The following ADAM19 variants were observed in gnomAD, a reference collection of about 807,000 sequenced individuals.
ADAM19 encodes the protein ADAM metallopeptidase domain 19.
In ADAM19, 65 loss-of-function variants were observed where a neutral mutation model predicts 114.7. That is an observed-to-expected ratio of 0.57 (90% CI 0.46 to 0.70). The LOEUF (loss-of-function observed/expected upper bound fraction) is 0.70, where lower values mean the gene tolerates loss of function less well. Among genes scored for constraint, ADAM19 ranks in the 30% least tolerant of loss-of-function variants. The probability of loss-of-function intolerance (pLI) is 0.00; values close to 1 mark genes in which losing one functional copy is unlikely to be tolerated. For missense variants in ADAM19, 1,063 were observed against 1,204.7 expected (o/e 0.88, Z 1.74); for synonymous variants, 466 against 460.5 (o/e 1.01, Z -0.15).
intron 3 of ADAM19, among the ~76,000 whole-genome samples, chr5:157,551,361 G>A (rs377132419): frequency 9.6e-5 from 13 of 135,440 alleles, no homozygotes; most frequent in African/African-American, 3.1e-4. Context: ...CTGAGATTGC[G>A]CCATTGCACT....
chr5:157,563,026 G>C (rs1381636670), intron 3 of ADAM19, among the ~76,000 whole-genome samples: 2 of 152,080 alleles, frequency 1.3e-5, no homozygotes, highest in African/African-American at 4.8e-5. Context: ...GCTGCCGTGA[G>C]CAACAAAGGC....
rs1561835033 is a variant in ADAM19 at position 157,477,647 on chromosome 5, G to T, written c.*3302C>A. ...TGGCGTTCCCATGGCTTTCTTGGGT[G>T]TCCAGCAGAGCTGTTATACACGTGG... On this transcript the variant is annotated 3_prime_UTR_variant, in exon 23 of 23. Transcript: ENST00000257527. 1.6e-6 allele frequency: 2 copies of T among 1,288,832 alleles called. No individual in the cohort carries two copies. Among genetic ancestry groups the T allele is most frequent in the Non-Finnish European group, 2.0e-6 (2 of 988,302 alleles). The allele number at this position is 1,288,832 out of a possible 1,614,324, so 79.8% of individuals were successfully genotyped here. A position where few individuals can be genotyped will look rare whatever the true frequency, so the allele number is the denominator to read the frequency against.
intron 3 of ADAM19, among the ~76,000 whole-genome samples, chr5:157,550,686 G>GAAA (rs60281885): frequency 7.2e-6 from 1 of 139,834 alleles, no homozygotes. Flanking sequence ...AAGCTGTTTG[G>GAAA]AAAAAAAAAA....
intron 14 of ADAM19, among the ~76,000 whole-genome samples, chr5:157,495,742 T>G (rs1371098777): frequency 6.6e-6 from 1 of 152,046 alleles, no homozygotes. Context: ...CAAGAGATTC[T>G]CCTGTCTTAG....
rs1288368961 is a variant in ADAM19 at position 157,575,622 on chromosome 5, C to A, written c.75G>T (p.Ala25=). Residue 25 remains alanine (A), a synonymous_variant, in exon 1 of 23, where the codon GCG becomes GCT. Coordinates refer to ENST00000257527, the MANE Select transcript of ADAM19 (RefSeq NM_033274.5). ...ACTTACTTGTCCATCCAGGCTCCCG[C>A]GCCGCCCGCGGCCGGAGGGGCTGCA... ...FALQPLRPRA[A]REPGWTRGSE... 6.9e-7 allele frequency: 1 copy of A among 1,446,386 alleles called. No homozygotes were observed. Among genetic ancestry groups the A allele is most frequent in the Non-Finnish European group, 9.0e-7 (1 of 1,105,998 alleles). The allele number at this position is 1,446,386 out of a possible 1,614,324, so 89.6% of individuals were successfully genotyped here.
At chr5:157,536,899 C>A (rs1243923373) in intron 4 of ADAM19, among the ~76,000 whole-genome samples, 6 of 152,234 alleles carry the variant, frequency 3.9e-5, no homozygotes, top group African/African-American at 1.4e-4. Context: ...CCATTATGTC[C>A]TGCCCCAAAG....
chr5:157,491,739 G>A lies in ADAM19; in HGVS notation c.1987-16C>T, dbSNP rs748291556. The stretch of plus-strand genomic sequence containing the variant: ...TGTTACAGACCTGGAGCAAAGAAAG[G>A]GCAGAGGCATCAGCACCCCAGAGAG... On this transcript the variant is annotated splice_polypyrimidine_tract_variant and intron_variant, in intron 17 of 22. Transcript: ENST00000257527. 14 of 1,604,514 alleles carry A rather than the reference G, an allele frequency of 8.7e-6. No homozygotes were observed. The African/African-American group carries it at 1.2e-4, about 14-fold the overall frequency.
intron 15 of ADAM19, 109 bp downstream of exon 15, chr5:157,494,573 GACGTA>G: frequency 1.3e-6 from 1 of 769,998 alleles, no homozygotes. Flanking sequence ...TCAACTGATT[GACGTA>G]AAGGTGCAGC....
intron 7 of ADAM19, among the ~76,000 whole-genome samples, chr5:157,515,026 T>C (rs913064433): frequency 2.6e-5 from 4 of 152,360 alleles, no homozygotes; most frequent in African/African-American, 7.2e-5. Context: ...GGTATTTGTT[T>C]GGCCAGAGGT....
At chr5:157,536,094 C>T (rs537993144) in intron 4 of ADAM19, among the ~76,000 whole-genome samples, 1 of 152,364 alleles carries the variant, frequency 6.6e-6, no homozygotes, top group Admixed American at 6.5e-5. Context: ...ACTACCAACT[C>T]CTTCCCCATC....
At chr5:157,512,902 T>C (rs1011569444) in intron 8 of ADAM19, among the ~76,000 whole-genome samples, 1 of 152,194 alleles carries the variant, frequency 6.6e-6, no homozygotes, top group Non-Finnish European at 1.5e-5. Flanking sequence ...CCTACCTCAA[T>C]TCCCTCCTAA....
At chr5:157,534,523 C>T (rs1024648738) in intron 4 of ADAM19, among the ~76,000 whole-genome samples, 7 of 151,748 alleles carry the variant, frequency 4.6e-5, no homozygotes, top group Non-Finnish European at 7.4e-5. Context: ...CCAGGCATGG[C>T]GGCTCATGCC....
In ADAM19 at chr5:157,509,429, G is replaced by C. The variant is rs975253516; in HGVS notation, c.777C>G (p.Gly259=). 3.1e-6 allele frequency: 5 copies of C among 1,610,212 alleles called. No individual in the cohort carries two copies. In the South Asian group the frequency reaches 3.3e-5, roughly 11 times the overall value. The change falls in exon 9 of 23, where the codon GGC becomes GGG. Residue 259 remains glycine (G), a synonymous_variant. Transcript: ENST00000257527. The part of the protein sequence containing the change: ...RSLNIRIALV[G]LEVWTHGNMC... ...TGTTCCCGTGGGTCCACACTTCCAAGCCCACGAGAGCAATCCGGATGTTCA... is the reference window on the plus strand; with the variant it reads ...TGTTCCCGTGGGTCCACACTTCCAACCCCACGAGAGCAATCCGGATGTTCA...
Position 157,478,340 on chromosome 5 carries a change from C to T in ADAM19, c.*2609G>A, listed in dbSNP as rs138055442. The T allele has an allele frequency of 6.1e-5, 9 of 148,184 alleles. No individual in the cohort carries two copies. In the East Asian group the frequency reaches 1.0e-3, roughly 17 times the overall value. 9.2% of individuals were successfully genotyped at this position (148,184 alleles called of 1,614,324 possible). On this transcript the variant is annotated 3_prime_UTR_variant, in exon 23 of 23. Coordinates refer to ENST00000257527, the MANE Select transcript of ADAM19 (RefSeq NM_033274.5). ...GCTGGGCACAACGTCATTCCCTGAACGTGGTTCTTTCTAGCCATGTTTACT... is the reference window on the plus strand; with the variant it reads ...GCTGGGCACAACGTCATTCCCTGAATGTGGTTCTTTCTAGCCATGTTTACT...
intron 3 of ADAM19, among the ~76,000 whole-genome samples, chr5:157,549,196 A>G (rs2113776371): frequency 6.6e-6 from 1 of 152,340 alleles, no homozygotes; most frequent in African/African-American, 2.4e-5. Flanking sequence ...TCCTAGAAGT[A>G]GCTCACCTAC....
intron 3 of ADAM19, among the ~76,000 whole-genome samples, chr5:157,561,024 T>G (rs567790053): frequency 6.6e-6 from 1 of 152,330 alleles, no homozygotes; most frequent in South Asian, 2.1e-4. Context: ...TTAAAGAGGC[T>G]ACAAGGTAGT....
chr5:157,537,240 A>G (rs1461868859), intron 4 of ADAM19, among the ~76,000 whole-genome samples: 1 of 152,236 alleles, frequency 6.6e-6, no homozygotes, highest in Non-Finnish European at 1.5e-5. Context: ...GCATCCCTGT[A>G]AGAAGAGCTA....
chr5:157,574,758 T>C (rs1329059698), intron 1 of ADAM19, among the ~76,000 whole-genome samples: 1 of 152,010 alleles, frequency 6.6e-6, no homozygotes, highest in East Asian at 1.9e-4. Context: ...GGGGAGGGGA[T>C]TGGTGTCTGG....
chr5:157,481,456 C>A (rs1037964335), intron 22 of ADAM19: 7 of 788,016 alleles, frequency 8.9e-6, no homozygotes, highest in Non-Finnish European at 1.2e-5. Flanking sequence ...TTCACAACAA[C>A]CTGATGGGGC....
Sources: allele counts gnomAD v4.1 joint callset (sites outside exome capture counted in the v4.1 genomes callset), GRCh38; gene constraint gnomAD v4.1.1; transcripts MANE v1.5; gene names NCBI Gene and HGNC (gene_info 2026-07-23, HGNC 2026-07-21).